The following IGFBP7 variants were observed in gnomAD, a reference collection of about 807,000 sequenced individuals.
IGFBP7 encodes the protein insulin like growth factor binding protein 7, also known as insulin-like growth factor-binding protein 7.
A neutral mutation model predicts 29.4 loss-of-function variants in IGFBP7; 31 were observed. The ratio of observed to expected loss-of-function variants is 1.05; its 90% CI spans 0.79 to 1.42. The LOEUF is 1.42. Ranked by LOEUF, IGFBP7 falls within the 40% of genes most tolerant of loss-of-function variation. The pLI is 0.00. For missense variants in IGFBP7, 393 were observed against 395.5 expected (o/e 0.99, Z 0.05); for synonymous variants, 172 against 174.9 (o/e 0.98, Z 0.13).
intron 1 of IGFBP7, chr4:57,072,711 T>C (rs1725084012): frequency 6.9e-6 from 3 of 432,132 alleles, no homozygotes; most frequent in South Asian, 3.7e-5. Flanking sequence ...CAGGAGTTGG[T>C]GACCTTCACA....
intron 1 of IGFBP7, among the ~76,000 whole-genome samples, chr4:57,058,410 G>A (rs1724723009): frequency 6.6e-6 from 1 of 152,102 alleles, no homozygotes. Flanking sequence ...CAAACATCTA[G>A]ATCAATGGAA....
At chr4:57,044,492 AT>A (rs909953324) in intron 1 of IGFBP7, among the ~76,000 whole-genome samples, 46 of 152,244 alleles carry the variant, frequency 3.0e-4, no homozygotes, top group African/African-American at 9.6e-4. Context: ...TACTTTTCAC[AT>A]TTAAGTTTTT....
At chr4:57,039,872 T>C (rs1215382731) in intron 2 of IGFBP7, among the ~76,000 whole-genome samples, 1 of 152,092 alleles carries the variant, frequency 6.6e-6, no homozygotes, top group Non-Finnish European at 1.5e-5. Context: ...GTGATCCTCC[T>C]GCCTCAGCCT....
intron 1 of IGFBP7, among the ~76,000 whole-genome samples, chr4:57,108,722 AT>A (rs1319948907): frequency 6.6e-5 from 10 of 151,574 alleles, no homozygotes; most frequent in African/African-American, 1.9e-4. Context: ...ATATATATAT[AT>A]TTTTTATTAG....
intron 2 of IGFBP7, among the ~76,000 whole-genome samples, chr4:57,037,060 A>G (rs1358768724): frequency 6.6e-6 from 1 of 152,212 alleles, no homozygotes; most frequent in East Asian, 1.9e-4. Context: ...AAGTTTTAGG[A>G]AATGACACCT....
intron 2 of IGFBP7, among the ~76,000 whole-genome samples, chr4:57,036,114 C>A (rs1246275719): frequency 6.6e-6 from 1 of 152,164 alleles, no homozygotes; most frequent in Non-Finnish European, 1.5e-5. Flanking sequence ...TATTACGTAG[C>A]TGTTGAGAAG....
chr4:57,039,643 CT>C (rs10716496), intron 2 of IGFBP7, among the ~76,000 whole-genome samples: 50,746 of 128,282 alleles, frequency 0.4, 9,009 homozygotes, highest in Middle Eastern at 0.48. Context: ...AATTCACACT[CT>C]TTTTTTTTTT....
chr4:57,058,223 T>C (rs1020332985), intron 1 of IGFBP7, among the ~76,000 whole-genome samples: 3 of 152,234 alleles, frequency 2.0e-5, no homozygotes, highest in African/African-American at 7.2e-5. Context: ...CAGAAGATGA[T>C]TAAAGAACAG....
chr4:57,054,663 A>G (rs1490147107), intron 1 of IGFBP7, among the ~76,000 whole-genome samples: 13 of 148,612 alleles, frequency 8.7e-5, no homozygotes, highest in Admixed American at 2.0e-4. Flanking sequence ...AAAAAAAAAA[A>G]AAGAAGAAGA....
Position 57,031,007 on chromosome 4 carries a change from C to G in IGFBP7, c.*310G>C, listed in dbSNP as rs1370989812. 1 of 1,389,568 alleles carries G rather than the reference C, an allele frequency of 7.2e-7. No individual in the cohort carries two copies. Among genetic ancestry groups the G allele is most frequent in the African/African-American group, 1.4e-5 (1 of 70,502 alleles). The allele number at this position is 1,389,568 out of a possible 1,614,324, so 86.1% of individuals were successfully genotyped here. On this transcript the variant is annotated 3_prime_UTR_variant, in exon 5 of 5. Coordinates refer to ENST00000295666, the MANE Select transcript of IGFBP7 (RefSeq NM_001553.3). Reference sequence around the variant, plus strand: ...TGTTTAGCTATTTTACAGGAGTCAACAAGATAATTAAATATCTTGGTGTCT... The same window carrying G: ...TGTTTAGCTATTTTACAGGAGTCAAGAAGATAATTAAATATCTTGGTGTCT...
chr4:57,045,169 T>C (rs1724329629), intron 1 of IGFBP7, among the ~76,000 whole-genome samples: 1 of 152,222 alleles, frequency 6.6e-6, no homozygotes, highest in Non-Finnish European at 1.5e-5. Flanking sequence ...TGGATTATTC[T>C]AAGAATGTAA....
chr4:57,041,163 T>C (rs1021139300), intron 1 of IGFBP7, among the ~76,000 whole-genome samples: 3 of 152,220 alleles, frequency 2.0e-5, no homozygotes, highest in African/African-American at 7.2e-5. Flanking sequence ...GAAAAATGTG[T>C]TATTAAAATT....
rs555249605 is a variant in IGFBP7 at position 57,034,933 on chromosome 4, G to C, written c.586-1622C>G. On this transcript the variant is annotated intron_variant, in intron 2 of 4. Transcript: ENST00000295666. ...GGTACCTTTTCCCTTAGTTTCCCAA[G>C]TAGCTGGCAGAAACGGTTTATGCTA... Among the ~76,000 whole-genome samples, 203 of 152,224 alleles carry C rather than the reference G, an allele frequency of 1.3e-3. 1 individual carries two copies. Among genetic ancestry groups the C allele is most frequent in the African/African-American group, 4.7e-3 (194 of 41,532 alleles).
At chr4:57,101,741 CAG>C (rs1725902016) in intron 1 of IGFBP7, among the ~76,000 whole-genome samples, 1 of 144,814 alleles carries the variant, frequency 6.9e-6, no homozygotes, top group South Asian at 2.4e-4. Context: ...CATTTTCTCT[CAG>C]AGGCCTGGTG....
intron 2 of IGFBP7, among the ~76,000 whole-genome samples, chr4:57,038,318 T>G (rs1724133170): frequency 6.6e-6 from 1 of 152,154 alleles, no homozygotes. Flanking sequence ...GTGAGTGGAG[T>G]TGATATCTCC....
At position 57,064,186 on chromosome 4, in the gene IGFBP7, AACAC is replaced by A. The variant is rs530090508; in HGVS notation, c.476-23257_476-23254del. 1.1e-4 allele frequency among the ~76,000 whole-genome samples: 16 copies of A among 152,284 alleles called. No individual in the cohort carries two copies. In the South Asian group the frequency reaches 3.3e-3, roughly 32 times the overall value. On this transcript the variant is annotated intron_variant, in intron 1 of 4. Transcript: ENST00000295666. Reference sequence around the variant, plus strand: ...AAACCCCATCTCTACCCCTCCAAAAAACACACAAAAAATAAAATTTAGCTGGGTG... The same window carrying A: ...AAACCCCATCTCTACCCCTCCAAAAAACAAAAAATAAAATTTAGCTGGGTG...
intron 1 of IGFBP7, among the ~76,000 whole-genome samples, chr4:57,093,385 A>C (rs913709028): frequency 6.6e-6 from 1 of 152,026 alleles, no homozygotes; most frequent in African/African-American, 2.4e-5. Flanking sequence ...CTGTAGTCCC[A>C]GTTACTCAGG....
At chr4:57,109,597 G>C (rs1235025094) in intron 1 of IGFBP7, among the ~76,000 whole-genome samples, 1 of 152,196 alleles carries the variant, frequency 6.6e-6, no homozygotes, top group East Asian at 1.9e-4. Flanking sequence ...GAAGTCTGAG[G>C]TCTCGGAAAA....
chr4:57,072,788 A>G (rs746777750), intron 1 of IGFBP7: 82 of 542,452 alleles, frequency 1.5e-4, no homozygotes, highest in African/African-American at 5.3e-4. Flanking sequence ...GGTGGGGACC[A>G]TCCATTGAGC....
Sources: allele counts gnomAD v4.1 joint callset (sites outside exome capture counted in the v4.1 genomes callset), GRCh38; gene constraint gnomAD v4.1.1; transcripts MANE v1.5; gene names NCBI Gene and HGNC (gene_info 2026-07-23, HGNC 2026-07-21).